Variants in GPC5 observed in about 807,000 individuals in gnomAD.
GPC5 encodes the protein glypican-5.
GPC5 carries 47 observed loss-of-function variants against 53.9 expected under a neutral mutation model. The ratio of observed to expected loss-of-function variants is 0.87; its 90% CI spans 0.69 to 1.11. GPC5 has a LOEUF of 1.11. Ranked by LOEUF, GPC5 falls within the 50% of genes most tolerant of loss-of-function variation. GPC5 has a pLI of 0.00. For synonymous variants in GPC5, 286 were observed against 263.3 expected, an observed-to-expected ratio of 1.09 and a Z score of -0.84; for missense variants, 748 against 713.1, an observed-to-expected ratio of 1.05 and a Z score of -0.56.
rs145595976 is a variant in GPC5 at position 92,799,787 on chromosome 13, T to C, written c.1562-66495T>C. Among the ~76,000 whole-genome samples the C allele has an allele frequency of 6.1e-3, 933 of 151,924 alleles. 12 individuals are homozygous for C. The highest frequency in any genetic ancestry group is 0.021 in the African/African-American group (891 of 41,496). On this transcript the variant is annotated intron_variant, in intron 7 of 7. Transcript: ENST00000377067. Reference sequence around the variant, plus strand: ...ACACACACTGCTTTTTGAATGTCTATCAGTCGCTTTTCTCCTTTCTCTTTA... The same window carrying C: ...ACACACACTGCTTTTTGAATGTCTACCAGTCGCTTTTCTCCTTTCTCTTTA...
intron 6 of GPC5, among the ~76,000 whole-genome samples, chr13:92,140,044 A>G (rs2041818809): frequency 6.6e-6 from 1 of 152,238 alleles, no homozygotes. Context: ...GTGCAAGTAA[A>G]CGATGCAGAG....
At chr13:92,125,764 T>C (rs368548806) in intron 6 of GPC5, among the ~76,000 whole-genome samples, 1 of 152,086 alleles carries the variant, frequency 6.6e-6, no homozygotes, top group Admixed American at 6.6e-5. Context: ...AAAATGGTGA[T>C]GCCCTCAAAA....
Position 92,866,959 on chromosome 13 carries a change from A to C in GPC5, c.*520A>C, listed in dbSNP as rs971489274. On this transcript the variant is annotated 3_prime_UTR_variant, in exon 8 of 8. Transcript: ENST00000377067. ...GCAAGCTGTAGAAGGAAATGTCTGA[A>C]TGTCTATAAGTTATGGGGTAGATTC... is the stretch of plus-strand genomic sequence containing the variant. The C allele has an allele frequency of 6.6e-6, 1 of 152,184 alleles. No homozygotes were observed. The highest frequency in any genetic ancestry group is 2.4e-5 in the African/African-American group (1 of 41,450). The allele number at this position is 152,184 out of a possible 1,614,324, so 9.4% of individuals were successfully genotyped here.
chr13:92,736,233 T>C (rs1482909419), intron 7 of GPC5, among the ~76,000 whole-genome samples: 5 of 151,990 alleles, frequency 3.3e-5, no homozygotes, highest in Non-Finnish European at 7.4e-5. Flanking sequence ...GTCTCCAAAG[T>C]AAATGTATTA....
intron 6 of GPC5, among the ~76,000 whole-genome samples, chr13:91,942,148 T>A (rs182511878): frequency 9.9e-5 from 15 of 152,254 alleles, no homozygotes; most frequent in Admixed American, 9.8e-4. Context: ...AATAGATCTC[T>A]ACAAAGTTAT....
intron 6 of GPC5, among the ~76,000 whole-genome samples, chr13:92,110,993 G>T (rs2041552345): frequency 6.6e-6 from 1 of 152,124 alleles, no homozygotes; most frequent in South Asian, 2.1e-4. Flanking sequence ...ACTAATCATT[G>T]AATAAAATAT....
intron 2 of GPC5, among the ~76,000 whole-genome samples, chr13:91,578,319 C>G (rs2032214719): frequency 6.6e-6 from 1 of 152,192 alleles, no homozygotes; most frequent in South Asian, 2.1e-4. Flanking sequence ...TCCACAAAAG[C>G]TGTGAGATAA....
At chr13:91,969,096 G>T (rs1163528481) in intron 6 of GPC5, among the ~76,000 whole-genome samples, 1 of 151,892 alleles carries the variant, frequency 6.6e-6, no homozygotes, top group Non-Finnish European at 1.5e-5. Flanking sequence ...AGCCTCCCAA[G>T]TTGCTGGGAT....
rs184466610 is a variant in GPC5, at chr13:91,957,189, C to G, written c.1401+49132C>G. Among the ~76,000 whole-genome samples, 273 of 152,054 alleles carry G rather than the reference C, an allele frequency of 1.8e-3. 4 individuals are homozygous for G. Among genetic ancestry groups the G allele is most frequent in the Admixed American group, 0.017 (258 of 15,280 alleles). ...TTCATTGAATTAAATTTAAAAAGTA[C>G]ATTTGAAACTTTCAACAATAAACTA... On this transcript the variant is annotated intron_variant, in intron 6 of 7. Transcript: ENST00000377067.
At chr13:92,114,322 T>C (rs544200181) in intron 6 of GPC5, among the ~76,000 whole-genome samples, 22 of 152,044 alleles carry the variant, frequency 1.4e-4, no homozygotes, top group Non-Finnish European at 2.5e-4. Context: ...CACACACACA[T>C]ACTCACATGC....
At chr13:92,570,294 A>G (rs755068429) in intron 7 of GPC5, among the ~76,000 whole-genome samples, 7 of 152,246 alleles carry the variant, frequency 4.6e-5, no homozygotes, top group Non-Finnish European at 8.8e-5. Context: ...TAGTTTCCAA[A>G]CTGAAAAGAA....
chr13:92,799,788 C>T (rs1021797373), intron 7 of GPC5, among the ~76,000 whole-genome samples: 2 of 151,814 alleles, frequency 1.3e-5, no homozygotes, highest in South Asian at 4.1e-4. Context: ...GAATGTCTAT[C>T]AGTCGCTTTT....
intron 7 of GPC5, among the ~76,000 whole-genome samples, chr13:92,834,844 G>A (rs903491318): frequency 2.0e-5 from 3 of 152,072 alleles, no homozygotes; most frequent in South Asian, 4.1e-4. Flanking sequence ...GGTTTAAAGG[G>A]TAAAAGTTGA....
chr13:91,422,070 GTCTC>G (rs1404824015), intron 1 of GPC5, among the ~76,000 whole-genome samples: 6 of 152,106 alleles, frequency 3.9e-5, no homozygotes, highest in Non-Finnish European at 7.3e-5. Flanking sequence ...GGACTCCTGA[GTCTC>G]TCAGCGCTAC....
intron 7 of GPC5, among the ~76,000 whole-genome samples, chr13:92,713,657 G>T (rs1452305691): frequency 4.0e-5 from 6 of 148,152 alleles, no homozygotes; most frequent in Non-Finnish European, 8.9e-5. Flanking sequence ...GAAAATCCAA[G>T]TTAAAACAAT....
At chr13:91,472,349 G>A (rs1882683784) in intron 2 of GPC5, among the ~76,000 whole-genome samples, 1 of 151,972 alleles carries the variant, frequency 6.6e-6, no homozygotes, top group South Asian at 2.1e-4. Context: ...CTATCACCTG[G>A]GTTTATCTCT....
Position 91,860,048 on chromosome 13 carries a change from G to A in GPC5, c.1281-47889G>A, listed in dbSNP as rs146387227. Among the ~76,000 whole-genome samples, 207 of 152,086 alleles carry A rather than the reference G, an allele frequency of 1.4e-3. 1 individual carries two copies. Among genetic ancestry groups the A allele is most frequent in the African/African-American group, 4.8e-3 (198 of 41,510 alleles). On this transcript the variant is annotated intron_variant, in intron 5 of 7. Transcript: ENST00000377067. ...AATTAGCATATCCATCATTGCAAAT[G>A]TTTATCATTTCTTTGTTTTGGGAAC...
intron 7 of GPC5, among the ~76,000 whole-genome samples, chr13:92,462,164 A>G (rs1354675974): frequency 1.3e-5 from 2 of 152,154 alleles, no homozygotes; most frequent in African/African-American, 4.8e-5. Flanking sequence ...TTTTGAGCAA[A>G]AAGACTGATG....
At chr13:91,565,658 G>A (rs2031494493) in intron 2 of GPC5, among the ~76,000 whole-genome samples, 1 of 152,210 alleles carries the variant, frequency 6.6e-6, no homozygotes, top group South Asian at 2.1e-4. Flanking sequence ...GCACACTAAT[G>A]CTGAACAAAT....
Sources: allele counts gnomAD v4.1 joint callset (sites outside exome capture counted in the v4.1 genomes callset), GRCh38; gene constraint gnomAD v4.1.1; transcripts MANE v1.5; gene names NCBI Gene and HGNC (gene_info 2026-07-23, HGNC 2026-07-21).